PCDHGB7: variants seen among roughly 807,000 people sequenced by gnomAD.
PCDHGB7 encodes the protein protocadherin gamma subfamily B, 7.
A neutral mutation model predicts 61.4 loss-of-function variants in PCDHGB7; 37 were observed. That is an observed-to-expected ratio of 0.60 (90% confidence interval 0.46 to 0.79). The LOEUF (loss-of-function observed/expected upper bound fraction) is 0.79, where lower values mean the gene tolerates loss of function less well. PCDHGB7 is among the 30% of genes least tolerant of loss of function. The probability of loss-of-function intolerance (pLI) is 0.00; values close to 1 mark genes in which losing one functional copy is unlikely to be tolerated. For synonymous variants in PCDHGB7, 464 were observed against 503.5 expected, an observed-to-expected ratio of 0.92 and a Z score of 1.05; for missense variants, 1,166 against 1,202.5, an observed-to-expected ratio of 0.97 and a Z score of 0.45.
At chr5:141,481,024 C>CTGGA (rs1200299352) in intron 1 of PCDHGB7, among the ~76,000 whole-genome samples, 3 of 152,122 alleles carry the variant, frequency 2.0e-5, no homozygotes, top group Admixed American at 1.3e-4. Flanking sequence ...CACCACTGCA[C>CTGGA]TCCAGCCTGG....
intron 1 of PCDHGB7, among the ~76,000 whole-genome samples, chr5:141,472,264 G>A (rs925973401): frequency 1.3e-4 from 20 of 152,068 alleles, no homozygotes; most frequent in African/African-American, 3.6e-4. Context: ...TATTATAGCC[G>A]GGCACAGTGG....
At chr5:141,447,861 G>A (rs2098553733) in intron 1 of PCDHGB7, among the ~76,000 whole-genome samples, 1 of 152,120 alleles carries the variant, frequency 6.6e-6, no homozygotes, top group Non-Finnish European at 1.5e-5. Flanking sequence ...CGAGGTGGGT[G>A]AATCATCTGA....
Position 141,485,302 on chromosome 5 carries a change from T to C in PCDHGB7, c.2416-9505T>C. 1.2e-6 allele frequency: 2 copies of C among 1,614,152 alleles called. No homozygotes were observed. Among genetic ancestry groups the C allele is most frequent in the South Asian group, 2.2e-5 (2 of 91,078 alleles). On this transcript the variant is annotated intron_variant, in intron 1 of 3. Coordinates refer to ENST00000398594, the MANE Select transcript of PCDHGB7 (RefSeq NM_018927.4). This position sits in a 1 kb window ranked among gnomAD's most constrained non-coding sequence, Gnocchi z 5.7. ...TCCCAGAGGAGTCACAGGAAGGGAC[T>C]TTTGTAGGGAATGTCGCTCAAGATT... is the stretch of plus-strand genomic sequence containing the variant.
chr5:141,475,980 C>G (rs758066578), intron 1 of PCDHGB7: 3 of 1,028,500 alleles, frequency 2.9e-6, no homozygotes, highest in Admixed American at 2.4e-5. Context: ...ACTGAACAGC[C>G]GGCGAGCAAA....
In PCDHGB7 at chr5:141,512,859, CAT is replaced by C. The variant is rs1474518602; in HGVS notation, c.*1688_*1689del. 6.6e-6 allele frequency: 1 copy of C among 152,296 alleles called. No homozygotes were observed. The highest frequency in any genetic ancestry group is 1.9e-4 in the East Asian group (1 of 5,200). The allele number at this position is 152,296 out of a possible 1,614,324, so 9.4% of individuals were successfully genotyped here. A position where few individuals can be genotyped will look rare whatever the true frequency, so the allele number is the denominator to read the frequency against. On this transcript the variant is annotated 3_prime_UTR_variant, in exon 4 of 4. Transcript: ENST00000398594. ...CTTCTCCTATAAGCGCTTCTCTTCG[CAT>C]AGTCACGTAGCTCCCACCCCACCCT... is the stretch of plus-strand genomic sequence containing the variant.
In PCDHGB7 at chr5:141,419,090, G is replaced by T; in HGVS notation, c.1231G>T (p.Asp411Tyr). ...CAAGCTAGTAACAGATGAGGCCCTG[G>T]ATCGGGAGCAGACCCCAGAGTACAA... ...YYKLVTDEAL[D>Y]REQTPEYNVT... The change falls in exon 1 of 4, where the codon GAT (aspartate) becomes TAT (tyrosine). Residue 411 changes from aspartate (D) to tyrosine (Y), a missense_variant. Physicochemically the swap from Asp to Tyr is radical, Grantham distance 160. Coordinates refer to ENST00000398594, the MANE Select transcript of PCDHGB7 (RefSeq NM_018927.4). The T allele has an allele frequency of 6.2e-7, 1 of 1,613,922 alleles. No homozygotes were observed. The highest frequency in any genetic ancestry group is 8.5e-7 in the Non-Finnish European group (1 of 1,179,894).
In PCDHGB7 at chr5:141,476,966, G is replaced by C. The variant is rs780645226; in HGVS notation, c.2416-17841G>C. The C allele has an allele frequency of 1.2e-6, 2 of 1,614,152 alleles. No homozygotes were observed. Among genetic ancestry groups the C allele is most frequent in the Non-Finnish European group, 1.7e-6 (2 of 1,180,032 alleles). On this transcript the variant is annotated intron_variant, in intron 1 of 3. Coordinates refer to ENST00000398594, the MANE Select transcript of PCDHGB7 (RefSeq NM_018927.4). This position sits in a 1 kb window ranked among gnomAD's most constrained non-coding sequence, Gnocchi z 7.6. ...CAACGGTGAAATTATTTACTCCTTCGGCAGCCACAACCGCGCCGGCGTGCG... is the reference window on the plus strand; with the variant it reads ...CAACGGTGAAATTATTTACTCCTTCCGCAGCCACAACCGCGCCGGCGTGCG...
At chr5:141,430,589 G>A in intron 1 of PCDHGB7, 1 of 529,266 alleles carries the variant, frequency 1.9e-6, no homozygotes, top group Non-Finnish European at 3.1e-6. Context: ...TGCTCGCCTT[G>A]CACGCGCCTG....
At chr5:141,504,986 AC>A (rs1225847397) in intron 2 of PCDHGB7, among the ~76,000 whole-genome samples, 4 of 151,936 alleles carry the variant, frequency 2.6e-5, no homozygotes, top group Non-Finnish European at 5.9e-5. Context: ...ACATGGTGAA[AC>A]CCCGTCTGTA....
intron 1 of PCDHGB7, among the ~76,000 whole-genome samples, chr5:141,430,243 T>C (rs1020416761): frequency 5.6e-5 from 6 of 106,478 alleles, no homozygotes; most frequent in African/African-American, 3.0e-4. Flanking sequence ...GAGAAACTCC[T>C]AGGGAGACAT....
rs542248328 is a variant in PCDHGB7, at chr5:141,432,682, C to T, written c.2415+12408C>T. ...TGGACAGAGACGCGCTCAAGCAGAG[C>T]CTCGTAGTGGCCGTCCAGGACCACG... On this transcript the variant is annotated intron_variant, in intron 1 of 3. Coordinates refer to ENST00000398594, the MANE Select transcript of PCDHGB7 (RefSeq NM_018927.4). This position sits in a 1 kb window ranked among gnomAD's most constrained non-coding sequence, Gnocchi z 6.0. The T allele has an allele frequency of 6.5e-5, 105 of 1,613,976 alleles. No homozygotes were observed. In the African/African-American group the frequency reaches 1.1e-3, roughly 17 times the overall value.
chr5:141,453,609 G>A (rs1208329212), intron 1 of PCDHGB7, among the ~76,000 whole-genome samples: 3 of 151,900 alleles, frequency 2.0e-5, no homozygotes, highest in South Asian at 4.2e-4. Context: ...TTTGCAAAAC[G>A]CAAAAACAAA....
At position 141,431,645 on chromosome 5, in the gene PCDHGB7, T is replaced by G. The variant is rs2097404203; in HGVS notation, c.2415+11371T>G. ...GGCGGCCCAAGTTTTCAAACTAGAT[T>G]GTAATTCAGGGACAATATCAACAAT... On this transcript the variant is annotated intron_variant, in intron 1 of 3. Coordinates refer to ENST00000398594, the MANE Select transcript of PCDHGB7 (RefSeq NM_018927.4). This position sits in a 1 kb window ranked among gnomAD's most constrained non-coding sequence, Gnocchi z 4.8. The G allele has an allele frequency of 2.5e-6, 4 of 1,614,236 alleles. No homozygotes were observed. Among genetic ancestry groups the G allele is most frequent in the Non-Finnish European group, 3.4e-6 (4 of 1,180,044 alleles).
In PCDHGB7 at chr5:141,486,005, A is replaced by G. The variant is rs1057476811; in HGVS notation, c.2416-8802A>G. On this transcript the variant is annotated intron_variant, in intron 1 of 3. Transcript: ENST00000398594. This position sits in a 1 kb window ranked among gnomAD's most constrained non-coding sequence, Gnocchi z 5.0. Reference sequence around the variant, plus strand: ...GGACCTGGGTCCCAGTGGTAACGTCACCTTTTATTTCAGTGGTCATACCCC... The same window carrying G: ...GGACCTGGGTCCCAGTGGTAACGTCGCCTTTTATTTCAGTGGTCATACCCC... 1.9e-6 allele frequency: 3 copies of G among 1,613,936 alleles called. No homozygotes were observed. The Admixed American group carries it at 5.0e-5, about 27-fold the overall frequency.
rs370948584 is a variant in PCDHGB7 at position 141,419,647 on chromosome 5, G to C, written c.1788G>C (p.Ala596=). The C allele has an allele frequency of 3.7e-6, 6 of 1,612,592 alleles. No homozygotes were observed. Among genetic ancestry groups the C allele is most frequent in the Non-Finnish European group, 5.1e-6 (6 of 1,179,766 alleles). ...YLVTKVVAVD[A]DSGHNAWLSY... The stretch of plus-strand genomic sequence containing the variant: ...TGACCAAGGTGGTGGCCGTGGACGC[G>C]GACTCGGGGCACAATGCCTGGCTGT... Residue 596 remains alanine (A), a synonymous_variant, in exon 1 of 4, where the codon GCG becomes GCC. Coordinates refer to ENST00000398594, the MANE Select transcript of PCDHGB7 (RefSeq NM_018927.4).
At chr5:141,437,778 G>C (rs750813139) in intron 1 of PCDHGB7, among the ~76,000 whole-genome samples, 1 of 146,836 alleles carries the variant, frequency 6.8e-6, no homozygotes, top group Non-Finnish European at 1.5e-5. Flanking sequence ...TCAATCTGTC[G>C]CCAAGCTGGA....
At chr5:141,433,028 G>C in intron 1 of PCDHGB7, 1 of 1,614,116 alleles carries the variant, frequency 6.2e-7, no homozygotes, top group Non-Finnish European at 8.5e-7. Context: ...TTCCCACGAG[G>C]TTTCCCTCAC....
chr5:141,424,087 A>C, intron 1 of PCDHGB7: 1 of 933,106 alleles, frequency 1.1e-6, no homozygotes, highest in Non-Finnish European at 1.3e-6. Flanking sequence ...TTCCACCATT[A>C]TTTGCTATTA....
chr5:141,431,460 A>C lies in PCDHGB7; in HGVS notation c.2415+11186A>C, dbSNP rs761879594. On this transcript the variant is annotated intron_variant, in intron 1 of 3. Coordinates refer to ENST00000398594, the MANE Select transcript of PCDHGB7 (RefSeq NM_018927.4). This position sits in a 1 kb window ranked among gnomAD's most constrained non-coding sequence, Gnocchi z 4.8. ...GCGCGCATCCGCGTGATGGTTCTGGATGCGAACGACAACGCACCAGCGTTT... is the reference window on the plus strand; with the variant it reads ...GCGCGCATCCGCGTGATGGTTCTGGCTGCGAACGACAACGCACCAGCGTTT... 8.1e-6 allele frequency: 13 copies of C among 1,613,676 alleles called. No individual in the cohort carries two copies. The highest frequency in any genetic ancestry group is 1.1e-5 in the Non-Finnish European group (13 of 1,179,984).
Sources: gnomAD v4.1 joint callset for allele counts (sites outside exome capture counted in the v4.1 genomes callset) on GRCh38, gnomAD v4.1.1 for gene constraint, Gnocchi (gnomAD v3.1) non-coding constraint, MANE v1.5 for transcripts, NCBI Gene and HGNC (gene_info 2026-07-23, HGNC 2026-07-21) for gene names.